The following FAT4 variants were observed in gnomAD, a reference collection of about 807,000 sequenced individuals.
FAT4 encodes protocadherin Fat 4.
FAT4 carries 84 observed loss-of-function variants against 303.9 expected under a neutral mutation model. The observed-to-expected ratio is 0.28, with a 90% CI of 0.23 to 0.33. The LOEUF (loss-of-function observed/expected upper bound fraction) is 0.33, where lower values mean the gene tolerates loss of function less well. Ranked by LOEUF, FAT4 falls within the 10% of genes least tolerant of loss-of-function variation. FAT4 has a pLI of 1.00. For missense variants in FAT4, 6,005 were observed against 6,146.8 expected (o/e 0.98, Z 0.77); for synonymous variants, 2,307 against 2,298.8 (o/e 1.00, Z -0.10).
chr4:125,489,852 T>C (rs544538065), intron 17 of FAT4, 49 bp from the exon 18 acceptor site: 3 of 756,694 alleles, frequency 4.0e-6, no homozygotes, highest in African/African-American at 1.9e-5. Flanking sequence ...AAGCTCTTTT[T>C]TTTTTTTTTT....
Position 125,317,585 on chromosome 4 carries a change from G to C in FAT4, c.1174G>C (p.Gly392Arg). The C allele has an allele frequency of 1.2e-6, 2 of 1,613,884 alleles. No individual in the cohort carries two copies. The highest frequency in any genetic ancestry group is 1.7e-6 in the Non-Finnish European group (2 of 1,179,972). Reference protein sequence around the residue: ...VTDADSPAANGNISVQILGGN... With the variant: ...VTDADSPAANRNISVQILGGN... ...GGACGCAGATTCTCCCGCGGCCAAC[G>C]GGAACATCTCCGTGCAAATTCTCGG... Residue 392 changes from glycine to arginine, a missense_variant, in exon 2 of 18, where the codon GGG (glycine) becomes CGG (arginine). By Grantham distance (125) the Gly-to-Arg change is moderately radical. Coordinates refer to ENST00000394329, the MANE Select transcript of FAT4 (RefSeq NM_001291303.3). The surrounding 1 kb of genome is among the most constrained non-coding windows in gnomAD (Gnocchi z 7.0).
In FAT4 at chr4:125,448,904, G is replaced by A; in HGVS notation, c.7894G>A (p.Glu2632Lys). The A allele has an allele frequency of 6.2e-7, 1 of 1,611,588 alleles. No individual in the cohort carries two copies. The highest frequency in any genetic ancestry group is 8.5e-7 in the Non-Finnish European group (1 of 1,179,392). ...GTCTATTAGTCAACCTCTGGATTTT[G>A]AAAAGATACAAAAATATGTTGTATG... ...QVSISQPLDFEKIQKYVVWIE... is the reference protein window; with the variant it reads ...QVSISQPLDFKKIQKYVVWIE... Residue 2632 changes from glutamate (E) to lysine (K), a missense_variant, in exon 10 of 18, where the codon GAA becomes AAA. Physicochemically the swap from Glu to Lys is moderately conservative, Grantham distance 56. Transcript: ENST00000394329.
intron 2 of FAT4, among the ~76,000 whole-genome samples, chr4:125,341,070 T>C (rs1353980819): frequency 1.3e-5 from 2 of 152,202 alleles, no homozygotes; most frequent in African/African-American, 4.8e-5. Flanking sequence ...TATTTTTACA[T>C]TTATTATACA....
chr4:125,454,107 A>G (rs529101827), intron 10 of FAT4, among the ~76,000 whole-genome samples: 32 of 152,354 alleles, frequency 2.1e-4, no homozygotes, highest in African/African-American at 6.7e-4. Flanking sequence ...ATTTATAAAC[A>G]TAATTTACAG....
intron 10 of FAT4, among the ~76,000 whole-genome samples, chr4:125,456,537 G>A (rs1362379552): frequency 1.3e-5 from 2 of 151,984 alleles, no homozygotes; most frequent in African/African-American, 4.8e-5. Flanking sequence ...ATGTCTGACA[G>A]TTTTATTTCC....
intron 4 of FAT4, among the ~76,000 whole-genome samples, chr4:125,407,967 A>G (rs573681865): frequency 6.6e-6 from 1 of 152,248 alleles, no homozygotes; most frequent in Non-Finnish European, 1.5e-5. Context: ...TCACTCCTCA[A>G]GATATCTTGT....
intron 12 of FAT4, among the ~76,000 whole-genome samples, chr4:125,470,980 C>G (rs1726837301): frequency 6.6e-6 from 1 of 152,186 alleles, no homozygotes; most frequent in African/African-American, 2.4e-5. Context: ...AGAAATGCAA[C>G]TCTTCCTTTC....
At chr4:125,357,709 G>GTTGAACAC (rs1310654336) in intron 2 of FAT4, among the ~76,000 whole-genome samples, 1 of 152,082 alleles carries the variant, frequency 6.6e-6, no homozygotes. Context: ...CATATACATT[G>GTTGAACAC]TTGAACACTG....
intron 2 of FAT4, among the ~76,000 whole-genome samples, chr4:125,325,966 GACTCCT>G (rs1465900527): frequency 6.6e-6 from 1 of 151,954 alleles, no homozygotes; most frequent in Non-Finnish European, 1.5e-5. Context: ...GATTTCCCAG[GACTCCT>G]TAAACAGGTC....
chr4:125,420,424 A>G (rs1735243395), intron 7 of FAT4, among the ~76,000 whole-genome samples: 2 of 152,230 alleles, frequency 1.3e-5, no homozygotes, highest in East Asian at 1.9e-4. Context: ...AAGACAACCT[A>G]TTATTTTAAT....
Position 125,477,354 on chromosome 4 carries a change from T to C in FAT4, c.12479+20T>C, listed in dbSNP as rs376704074. The stretch of plus-strand genomic sequence containing the variant: ...AGATCAGTATGGCGATTTTATTTCT[T>C]ACTGTTTTAAAGAAAAAAAATGCAA... On this transcript the variant is annotated intron_variant, in intron 14 of 17. Coordinates refer to ENST00000394329, the MANE Select transcript of FAT4 (RefSeq NM_001291303.3). 10 of 1,528,320 alleles carry C rather than the reference T, an allele frequency of 6.5e-6. No individual in the cohort carries two copies. The highest frequency in any genetic ancestry group is 1.4e-5 in the African/African-American group (1 of 70,430). The allele number at this position is 1,528,320 out of a possible 1,614,324, so 94.7% of individuals were successfully genotyped here.
In FAT4 at chr4:125,440,610, T is replaced by TGTGTGTGTGTGA. The variant is rs372756130; in HGVS notation, c.7200-5682_7200-5681insTGTGTGTGTGAG. ...GTGTGTGTGTGTGTGTGTGTGTGTG[T>TGTGTGTGTGTGA]GAGAGAGAGAGAGAGAGAGAGAGAG... On this transcript the variant is annotated intron_variant, in intron 8 of 17. Transcript: ENST00000394329. Among the ~76,000 whole-genome samples, 7 of 75,750 alleles carry TGTGTGTGTGTGA rather than the reference T, an allele frequency of 9.2e-5. No homozygotes were observed. The East Asian group carries it at 1.4e-3, about 15-fold the overall frequency. The allele number at this position is 75,750 out of a possible 152,430, so 49.7% of individuals were successfully genotyped here.
At chr4:125,409,431 T>C (rs1734761166) in intron 5 of FAT4, among the ~76,000 whole-genome samples, 1 of 152,048 alleles carries the variant, frequency 6.6e-6, no homozygotes, top group Non-Finnish European at 1.5e-5. Context: ...TAATTTTGTA[T>C]TTTTAGTAGA....
At chr4:125,476,319 C>A in intron 13 of FAT4, 63 bp downstream of exon 13, 2 of 870,626 alleles carry the variant, frequency 2.3e-6, no homozygotes, top group Non-Finnish European at 3.5e-6. Flanking sequence ...AAACTTTATA[C>A]CTAAAAATAA....
At chr4:125,346,280 G>A (rs1001498026) in intron 2 of FAT4, among the ~76,000 whole-genome samples, 4 of 152,044 alleles carry the variant, frequency 2.6e-5, no homozygotes, top group African/African-American at 4.8e-5. Flanking sequence ...AAATAAAAGC[G>A]GTAGCAGTGT....
At chr4:125,465,657 T>C (rs1359348147) in intron 11 of FAT4, among the ~76,000 whole-genome samples, 1 of 152,206 alleles carries the variant, frequency 6.6e-6, no homozygotes, top group Non-Finnish European at 1.5e-5. Context: ...AGGGGCCAAA[T>C]GTACCTTCTT....
rs762373326 is a variant in FAT4 at position 125,321,604 on chromosome 4, A to T, written c.5175+18A>T. The T allele has an allele frequency of 1.3e-6, 2 of 1,552,014 alleles. No homozygotes were observed. Among genetic ancestry groups the T allele is most frequent in the Non-Finnish European group, 1.7e-6 (2 of 1,152,454 alleles). On this transcript the variant is annotated intron_variant, in intron 2 of 17. Coordinates refer to ENST00000394329, the MANE Select transcript of FAT4 (RefSeq NM_001291303.3). ...GAGCAGAGGTAATGATTTTGTAGTCATTTATTATTTGTTGATTTGCTTTTT... is the reference window on the plus strand; with the variant it reads ...GAGCAGAGGTAATGATTTTGTAGTCTTTTATTATTTGTTGATTTGCTTTTT...
intron 2 of FAT4, among the ~76,000 whole-genome samples, chr4:125,384,989 T>C (rs559070151): frequency 3.0e-4 from 38 of 126,770 alleles, no homozygotes; most frequent in Middle Eastern, 4.1e-3. Context: ...AACACACACA[T>C]ATATATATAT....
Position 125,416,530 on chromosome 4 carries a change from C to G in FAT4, c.6926C>G (p.Thr2309Ser). The G allele has an allele frequency of 6.2e-7, 1 of 1,613,994 alleles. No homozygotes were observed. The highest frequency in any genetic ancestry group is 1.1e-5 in the South Asian group (1 of 91,078). Residue 2309 changes from threonine to serine, a missense_variant, in exon 7 of 18, where the codon ACT (threonine) becomes AGT (serine). Coordinates refer to ENST00000394329, the MANE Select transcript of FAT4 (RefSeq NM_001291303.3). ...LFGGNEDNAF[T>S]LSASGELGVT... is the part of the protein sequence containing the mutation. ...GGTGGTAATGAAGACAATGCTTTTACTCTCTCAGCCAGTGGAGAACTTGGA... is the reference window on the plus strand; with the variant it reads ...GGTGGTAATGAAGACAATGCTTTTAGTCTCTCAGCCAGTGGAGAACTTGGA...
Sources: gnomAD v4.1 joint callset for allele counts (sites outside exome capture counted in the v4.1 genomes callset) on GRCh38, gnomAD v4.1.1 for gene constraint, Gnocchi (gnomAD v3.1) non-coding constraint, MANE v1.5 for transcripts, NCBI Gene and HGNC (gene_info 2026-07-23, HGNC 2026-07-21) for gene names.